Variants in CSMD1 observed in about 807,000 individuals in gnomAD.
CSMD1 encodes CUB and sushi domain-containing protein 1.
In CSMD1, 213 loss-of-function variants were observed where a neutral mutation model predicts 417.5. The observed-to-expected ratio is 0.51, with a 90% CI of 0.46 to 0.57. The LOEUF (loss-of-function observed/expected upper bound fraction) is 0.57, where lower values mean the gene tolerates loss of function less well. Ranked by LOEUF, CSMD1 falls within the 20% of genes least tolerant of loss-of-function variation. CSMD1 has a pLI of 0.00. For missense variants in CSMD1, 6,923 were observed against 4,529.7 expected (o/e 1.53, Z -15.17); for synonymous variants, 2,862 against 1,736.8 (o/e 1.65, Z -16.11).
intron 1 of CSMD1, among the ~76,000 whole-genome samples, chr8:4,964,787 G>A (rs186890054): frequency 1.3e-5 from 2 of 152,116 alleles, no homozygotes; most frequent in East Asian, 1.9e-4. Flanking sequence ...GAATGAAATT[G>A]TTCTTTTTAT....
chr8:3,957,851 T>C (rs1047842534), intron 5 of CSMD1, among the ~76,000 whole-genome samples: 6 of 152,218 alleles, frequency 3.9e-5, no homozygotes, highest in Non-Finnish European at 7.3e-5. Flanking sequence ...ATGTAGCCCA[T>C]AAGAGGCACA....
intron 2 of CSMD1, among the ~76,000 whole-genome samples, chr8:4,559,586 A>C (rs1272288145): frequency 6.6e-6 from 1 of 152,230 alleles, no homozygotes; most frequent in Non-Finnish European, 1.5e-5. Flanking sequence ...GAACTTACAT[A>C]ATTACCCCAA....
intron 7 of CSMD1, among the ~76,000 whole-genome samples, chr8:3,696,753 T>C (rs1800576281): frequency 6.6e-6 from 1 of 152,234 alleles, no homozygotes; most frequent in Admixed American, 6.5e-5. Flanking sequence ...AAACTAGATG[T>C]CAAGAATATG....
At chr8:3,056,502 G>C (rs1214748666) in intron 49 of CSMD1, among the ~76,000 whole-genome samples, 1 of 111,406 alleles carries the variant, frequency 9.0e-6, no homozygotes, top group Non-Finnish European at 1.8e-5. Flanking sequence ...CCAGTAGCTG[G>C]GGACTACAGG....
At chr8:4,240,676 C>A (rs1337531446) in intron 3 of CSMD1, among the ~76,000 whole-genome samples, 2 of 152,166 alleles carry the variant, frequency 1.3e-5, no homozygotes, top group African/African-American at 4.8e-5. Context: ...TCCTGGCTCC[C>A]ATCCCCTAAT....
chr8:4,152,054 AT>A (rs951811520), intron 3 of CSMD1, among the ~76,000 whole-genome samples: 74 of 152,062 alleles, frequency 4.9e-4, no homozygotes, highest in Non-Finnish European at 1.8e-4. Flanking sequence ...CTATGCTTTA[AT>A]TTTTTTCCCT....
chr8:3,049,298 C>T (rs537674350), intron 50 of CSMD1, among the ~76,000 whole-genome samples: 2 of 152,242 alleles, frequency 1.3e-5, no homozygotes, highest in African/African-American at 4.8e-5. Context: ...TTTATAGCAG[C>T]TTTATTCACA....
chr8:3,694,472 G>T (rs1244899311), intron 7 of CSMD1, among the ~76,000 whole-genome samples: 1 of 152,106 alleles, frequency 6.6e-6, no homozygotes, highest in Admixed American at 6.5e-5. Context: ...AGACGGCCAG[G>T]CCGAAAACAC....
chr8:4,180,219 C>T (rs1283001333), intron 3 of CSMD1, among the ~76,000 whole-genome samples: 1 of 151,998 alleles, frequency 6.6e-6, no homozygotes, highest in Admixed American at 6.6e-5. Flanking sequence ...AAATGTGGCA[C>T]ATATACACCA....
intron 3 of CSMD1, among the ~76,000 whole-genome samples, chr8:4,244,973 C>T (rs928378932): frequency 6.6e-6 from 1 of 152,064 alleles, no homozygotes; most frequent in East Asian, 1.9e-4. Context: ...TAACCAAAAG[C>T]CTGGAGTGGA....
chr8:2,972,300 T>A (rs564081110), intron 57 of CSMD1, among the ~76,000 whole-genome samples: 103 of 152,334 alleles, frequency 6.8e-4, no homozygotes, highest in African/African-American at 2.4e-3. Flanking sequence ...GTGAGCTTAC[T>A]CAAGTTGGTA....
intron 3 of CSMD1, among the ~76,000 whole-genome samples, chr8:4,310,650 G>T (rs140548689): frequency 6.6e-6 from 1 of 152,044 alleles, no homozygotes; most frequent in South Asian, 2.1e-4. Context: ...ACATTTGACC[G>T]AGACTATAAA....
At position 4,232,174 on chromosome 8, in the gene CSMD1, G is replaced by C. The variant is rs998634532; in HGVS notation, c.415+187779C>G. On this transcript the variant is annotated intron_variant, in intron 3 of 69. Transcript: ENST00000635120. ...AAACTTCAAAATCCAAGTGTATTGA[G>C]AAACACTTGTCCTTTATTTATTTGT... 1.3e-5 allele frequency among the ~76,000 whole-genome samples: 2 copies of C among 152,084 alleles called. 1 individual carries two copies. Among genetic ancestry groups the C allele is most frequent in the Admixed American group, 1.3e-4 (2 of 15,270 alleles).
rs34665230 is a variant in CSMD1 at position 3,564,517 on chromosome 8, T to TTGTGTGTGTGTGTGTGTGTG, written c.1344+10408_1344+10427dup. On this transcript the variant is annotated intron_variant, in intron 10 of 69. Coordinates refer to ENST00000635120, the MANE Select transcript of CSMD1 (RefSeq NM_033225.6). The stretch of plus-strand genomic sequence containing the variant: ...TAGAAATGCTGGCTCCACAGTATAT[T>TTGTGTGTGTGTGTGTGTGTG]TGTGTGTGTGTGTGTGTGTGTGTGT... Among the ~76,000 whole-genome samples, 653 of 145,490 alleles carry TTGTGTGTGTGTGTGTGTGTG rather than the reference T, an allele frequency of 4.5e-3. 1 individual carries two copies. The highest frequency in any genetic ancestry group is 7.2e-3 in the South Asian group (33 of 4,566).
At chr8:4,688,269 A>G (rs1335487784) in intron 1 of CSMD1, among the ~76,000 whole-genome samples, 3 of 152,144 alleles carry the variant, frequency 2.0e-5, no homozygotes, top group Admixed American at 2.0e-4. Flanking sequence ...ATGTATATTG[A>G]TCTAACATAA....
At chr8:4,688,821 A>C (rs898767658) in intron 1 of CSMD1, among the ~76,000 whole-genome samples, 2 of 152,192 alleles carry the variant, frequency 1.3e-5, no homozygotes, top group Non-Finnish European at 2.9e-5. Context: ...AAACATCGCA[A>C]GTGGTCTGAT....
intron 5 of CSMD1, among the ~76,000 whole-genome samples, chr8:3,852,967 T>C (rs146016019): frequency 1.5e-4 from 23 of 152,310 alleles, no homozygotes; most frequent in African/African-American, 5.3e-4. Flanking sequence ...CACCGCTTTA[T>C]GGCAAGGCTC....
At chr8:4,980,090 T>A (rs550396440) in intron 1 of CSMD1, among the ~76,000 whole-genome samples, 1 of 152,294 alleles carries the variant, frequency 6.6e-6, no homozygotes, top group South Asian at 2.1e-4. Context: ...ATCACAACCA[T>A]GCATTTTTTA....
intron 7 of CSMD1, among the ~76,000 whole-genome samples, chr8:3,689,592 T>A (rs1339652396): frequency 6.6e-6 from 1 of 152,230 alleles, no homozygotes. Flanking sequence ...TTCAGTTCAC[T>A]CTTAGTCCAC....
Sources: allele counts gnomAD v4.1 joint callset (sites outside exome capture counted in the v4.1 genomes callset), GRCh38; gene constraint gnomAD v4.1.1; transcripts MANE v1.5; gene names NCBI Gene and HGNC (gene_info 2026-07-23, HGNC 2026-07-21).